PGM2: variants seen among roughly 807,000 people sequenced by gnomAD.
The protein encoded by PGM2 is phosphoglucomutase 2.
A neutral mutation model predicts 74.6 loss-of-function variants in PGM2; 57 were observed. That is an observed-to-expected ratio of 0.76 (90% CI 0.62 to 0.95). The LOEUF is 0.95. PGM2 is among the 40% of genes least tolerant of loss of function. The pLI is 0.00. For synonymous variants in PGM2, 273 were observed against 260.7 expected, an observed-to-expected ratio of 1.05 and a Z score of -0.46; for missense variants, 706 against 741.9, an observed-to-expected ratio of 0.95 and a Z score of 0.56.
rs1726195596 is a variant in PGM2 at position 37,856,293 on chromosome 4, G to C, written c.1736+552G>C. On this transcript the variant is annotated intron_variant, in intron 13 of 13. Coordinates refer to ENST00000381967, the MANE Select transcript of PGM2 (RefSeq NM_018290.4). ...CCAGCTACTCGGGAGGCTGAGGCAG[G>C]AGAATGGTGTGAACCTGGTAGGCGG... Among the ~76,000 whole-genome samples, 3 of 152,274 alleles carry C rather than the reference G, an allele frequency of 2.0e-5. 1 individual carries two copies. The highest frequency in any genetic ancestry group is 4.1e-4 in the South Asian group (2 of 4,826).
intron 11 of PGM2, among the ~76,000 whole-genome samples, 197 bp from the exon 12 acceptor site, chr4:37,849,987 A>G (rs1253566104): frequency 6.7e-6 from 1 of 149,242 alleles, no homozygotes; most frequent in Non-Finnish European, 1.5e-5. Context: ...GAGGTTTCTC[A>G]ATGTTGGCCA....
In PGM2 at chr4:37,826,751, A is replaced by G. The variant is rs776937196; in HGVS notation, c.19A>G (p.Ser7Gly). 5 of 1,549,946 alleles carry G rather than the reference A, an allele frequency of 3.2e-6. No individual in the cohort carries two copies. Among genetic ancestry groups the G allele is most frequent in the South Asian group, 2.4e-5 (2 of 84,062 alleles). Reference sequence around the variant, plus strand: ...CTCAGCGATGGCGGCTCCAGAAGGCAGCGGTCTAGGCGAGGACGCCCGGCT... The same window carrying G: ...CTCAGCGATGGCGGCTCCAGAAGGCGGCGGTCTAGGCGAGGACGCCCGGCT... MAAPEG[S>G]GLGEDARLDQ... The change falls in exon 1 of 14, where the codon AGC (serine) becomes GGC (glycine). Residue 7 changes from serine to glycine, a missense_variant. Transcript: ENST00000381967.
intron 13 of PGM2, among the ~76,000 whole-genome samples, chr4:37,858,401 A>G (rs1392691723): frequency 1.3e-5 from 2 of 151,910 alleles, no homozygotes; most frequent in African/African-American, 2.4e-5. Context: ...CAATGGTGGA[A>G]TCTTAGCTCA....
chr4:37,857,518 C>T (rs538291599), intron 13 of PGM2, among the ~76,000 whole-genome samples: 55 of 152,250 alleles, frequency 3.6e-4, no homozygotes, highest in African/African-American at 1.2e-3. Context: ...AACTATAAAA[C>T]GTGGACACAA....
Position 37,853,925 on chromosome 4 carries a change from G to A in PGM2, c.1603-1683G>A, listed in dbSNP as rs538908632. On this transcript the variant is annotated intron_variant, in intron 12 of 13. Coordinates refer to ENST00000381967, the MANE Select transcript of PGM2 (RefSeq NM_018290.4). ...CGGTGTGGGCTCAGGGCAAGGAACC[G>A]GGATGGTCTAAGAACTTCTTTCAAA... is the stretch of plus-strand genomic sequence containing the variant. Among the ~76,000 whole-genome samples, 11 of 152,262 alleles carry A rather than the reference G, an allele frequency of 7.2e-5. No homozygotes were observed. The East Asian group carries it at 1.2e-3, about 16-fold the overall frequency.
At chr4:37,841,072 G>GTATATATATATATATATATATA (rs36127170) in intron 6 of PGM2, among the ~76,000 whole-genome samples, 192 of 113,618 alleles carry the variant, frequency 1.7e-3, no homozygotes, top group Admixed American at 3.2e-3. Flanking sequence ...ATATGCAAGC[G>GTATATATATATATATATATATA]TATATATATA....
chr4:37,826,876 C>A lies in PGM2; in HGVS notation c.81+63C>A, dbSNP rs975758755. ...GGCCGGGTGCTCTGCCCTCTCCAGG[C>A]GCGGCGCTGCTTGCTCTGCCTGAGC... On this transcript the variant is annotated intron_variant, in intron 1 of 13. Transcript: ENST00000381967. The A allele has an allele frequency of 6.0e-5, 63 of 1,044,576 alleles. 1 individual carries two copies. Among genetic ancestry groups the A allele is most frequent in the South Asian group, 1.4e-4 (10 of 71,188 alleles). The allele number at this position is 1,044,576 out of a possible 1,614,324, so 64.7% of individuals were successfully genotyped here. A position where few individuals can be genotyped will look rare whatever the true frequency, so the allele number is the denominator to read the frequency against.
rs576930578 is a variant in PGM2, at chr4:37,829,961, C to T, written c.82-3C>T. ...GCTGTGTCTATACATTTTTGTTTTT[C>T]AGAATTCCTTAACTTTGGAGGCAGT... On this transcript the variant is annotated splice_polypyrimidine_tract_variant and splice_region_variant and intron_variant, in intron 1 of 13. Transcript: ENST00000381967. 6.4e-7 allele frequency: 1 copy of T among 1,568,904 alleles called. No homozygotes were observed. The highest frequency in any genetic ancestry group is 1.2e-5 in the South Asian group (1 of 83,134).
At chr4:37,853,036 T>C (rs1726096033) in intron 12 of PGM2, among the ~76,000 whole-genome samples, 1 of 152,260 alleles carries the variant, frequency 6.6e-6, no homozygotes, top group Non-Finnish European at 1.5e-5. Flanking sequence ...ACTGATGTTC[T>C]ACTTTTCTTG....
chr4:37,846,794 A>G, intron 8 of PGM2, 137 bp from the exon 9 acceptor site: 1 of 665,612 alleles, frequency 1.5e-6, no homozygotes, highest in Non-Finnish European at 2.5e-6. Context: ...TTATTTAAAG[A>G]TGATGAATAA....
intron 13 of PGM2, among the ~76,000 whole-genome samples, chr4:37,856,575 AG>A (rs139416046): frequency 0.16 from 24,859 of 151,990 alleles, 2,305 homozygotes; most frequent in African/African-American, 0.25. Context: ...ACCTCAAAAA[AG>A]TGTTTGAGTT....
intron 2 of PGM2, among the ~76,000 whole-genome samples, chr4:37,831,302 T>C (rs1725437120): frequency 6.6e-6 from 1 of 151,656 alleles, no homozygotes; most frequent in Non-Finnish European, 1.5e-5. Flanking sequence ...ATGGGGTAAG[T>C]ATGGGAATCC....
intron 1 of PGM2, among the ~76,000 whole-genome samples, chr4:37,828,611 A>G (rs1394356856): frequency 1.3e-5 from 2 of 151,964 alleles, no homozygotes; most frequent in African/African-American, 4.8e-5. Flanking sequence ...ATCCTGCTGT[A>G]CTCTTGACTT....
chr4:37,829,884 TTAGAA>T (rs1386664167), intron 1 of PGM2, 75 bp from the exon 2 acceptor site: 2 of 627,306 alleles, frequency 3.2e-6, no homozygotes, highest in Admixed American at 3.4e-5. Context: ...TTTCTATAGA[TTAGAA>T]TGATTGTGAA....
At position 37,857,583 on chromosome 4, in the gene PGM2, C is replaced by T. The variant is rs370670465; in HGVS notation, c.1736+1842C>T. On this transcript the variant is annotated intron_variant, in intron 13 of 13. Coordinates refer to ENST00000381967, the MANE Select transcript of PGM2 (RefSeq NM_018290.4). The stretch of plus-strand genomic sequence containing the variant: ...TTATCATGAGGGAAATAGCATTCTA[C>T]ACCCAAGTGAGCCCAGAATACAGCT... 1.6e-4 allele frequency among the ~76,000 whole-genome samples: 25 copies of T among 152,212 alleles called. No homozygotes were observed. The East Asian group carries it at 4.6e-3, about 28-fold the overall frequency.
chr4:37,860,001 T>A (rs1711708869), intron 13 of PGM2, among the ~76,000 whole-genome samples: 1 of 152,204 alleles, frequency 6.6e-6, no homozygotes, highest in Admixed American at 6.6e-5. Context: ...AAAATTTTTG[T>A]TTTAAGAATT....
At chr4:37,848,745 C>G in intron 11 of PGM2, 94 bp downstream of exon 11, 2 of 962,600 alleles carry the variant, frequency 2.1e-6, no homozygotes, top group East Asian at 5.0e-5. Context: ...TTCTAATGCT[C>G]TTATTTTGGT....
At chr4:37,850,136 A>G in intron 11 of PGM2, 48 bp from the exon 12 acceptor site, 1 of 1,111,110 alleles carries the variant, frequency 9.0e-7, no homozygotes, top group Non-Finnish European at 1.3e-6. Context: ...TGTCCACCCT[A>G]CAAAATTATT....
chr4:37,859,560 T>C (rs1446923346), intron 13 of PGM2, among the ~76,000 whole-genome samples: 1 of 152,162 alleles, frequency 6.6e-6, no homozygotes, highest in African/African-American at 2.4e-5. Context: ...CCACATTGTC[T>C]AGGATAATCT....
Sources: gnomAD v4.1 joint callset for allele counts (sites outside exome capture counted in the v4.1 genomes callset) on GRCh38, gnomAD v4.1.1 for gene constraint, MANE v1.5 for transcripts, NCBI Gene and HGNC (gene_info 2026-07-23, HGNC 2026-07-21) for gene names.